Variants in C8orf34 observed in about 807,000 individuals in gnomAD.
C8orf34 encodes chromosome 8 open reading frame 34, also known as uncharacterized protein C8orf34.
In C8orf34, 65 loss-of-function variants were observed where a neutral mutation model predicts 68.3. That is an observed-to-expected ratio of 0.95 (90% confidence interval 0.78 to 1.17). The LOEUF (loss-of-function observed/expected upper bound fraction) is 1.17. Ranked by LOEUF, C8orf34 falls within the 50% of genes most tolerant of loss-of-function variation. The probability of loss-of-function intolerance (pLI) is 0.00; values close to 1 mark genes in which losing one functional copy is unlikely to be tolerated. For missense variants in C8orf34, 664 were observed against 655.4 expected, an observed-to-expected ratio of 1.01 and a Z score of -0.14; for synonymous variants, 244 against 241.2, an observed-to-expected ratio of 1.01 and a Z score of -0.11.
chr8:68,546,179 G>A (rs1449084802), intron 7 of C8orf34, among the ~76,000 whole-genome samples: 1 of 151,958 alleles, frequency 6.6e-6, no homozygotes, highest in East Asian at 1.9e-4. Context: ...AGCAGTTGGG[G>A]CAAATAGAAA....
intron 8 of C8orf34, among the ~76,000 whole-genome samples, chr8:68,691,563 G>A (rs984127151): frequency 9.9e-5 from 15 of 151,996 alleles, no homozygotes; most frequent in African/African-American, 3.4e-4. Flanking sequence ...ATGTTTAAAG[G>A]TAAAATTGTT....
chr8:68,331,106 G>C lies in C8orf34; in HGVS notation c.94G>C (p.Ala32Pro). ...GCCCCACGCGCGCGTGGCTCCCCGG[G>C]CTGCCACCCACGCCCGCGGCCGGGG... is the stretch of plus-strand genomic sequence containing the variant. ...SAPHARVAPRAATHARGRGRA... is the reference protein window; with the variant it reads ...SAPHARVAPRPATHARGRGRA... Residue 32 changes from alanine to proline, a missense_variant, in exon 1 of 14, where the codon GCT (alanine) becomes CCT (proline). Transcript: ENST00000518698. The C allele has an allele frequency of 6.7e-7, 1 of 1,498,798 alleles. No individual in the cohort carries two copies. 92.8% of individuals were successfully genotyped at this position (1,498,798 alleles called of 1,614,324 possible). A position where few individuals can be genotyped will look rare whatever the true frequency, so the allele number is the denominator to read the frequency against.
intron 10 of C8orf34, among the ~76,000 whole-genome samples, chr8:68,764,844 A>G (rs1418487209): frequency 6.6e-6 from 1 of 152,148 alleles, no homozygotes; most frequent in Non-Finnish European, 1.5e-5. Context: ...TTTATTAATC[A>G]ATCTTCCATT....
At chr8:68,662,907 T>C (rs888036053) in intron 8 of C8orf34, among the ~76,000 whole-genome samples, 2 of 152,210 alleles carry the variant, frequency 1.3e-5, no homozygotes, top group Non-Finnish European at 2.9e-5. Context: ...TAACAGTATG[T>C]CACCCAAATA....
intron 7 of C8orf34, among the ~76,000 whole-genome samples, chr8:68,631,316 G>A (rs1415151725): frequency 6.6e-6 from 1 of 151,610 alleles, no homozygotes; most frequent in Non-Finnish European, 1.5e-5. Context: ...TATGTTGCCA[G>A]GCTTGTCTCA....
intron 1 of C8orf34, among the ~76,000 whole-genome samples, chr8:68,364,832 A>C (rs1235455263): frequency 6.6e-6 from 1 of 151,900 alleles, no homozygotes; most frequent in African/African-American, 2.4e-5. Flanking sequence ...CACAATTAAA[A>C]GAACTAGAAA....
At chr8:68,546,073 T>TA (rs1229017547) in intron 7 of C8orf34, among the ~76,000 whole-genome samples, 21 of 152,058 alleles carry the variant, frequency 1.4e-4, no homozygotes, top group African/African-American at 3.6e-4. Context: ...TTAAAAATGT[T>TA]AAAAAAAGTA....
intron 1 of C8orf34, among the ~76,000 whole-genome samples, chr8:68,388,329 A>G (rs1808345018): frequency 6.6e-6 from 1 of 152,144 alleles, no homozygotes; most frequent in South Asian, 2.1e-4. Flanking sequence ...GTGGAGTCTG[A>G]CATAGCTTTC....
chr8:68,636,405 C>T (rs1282084898), intron 7 of C8orf34, among the ~76,000 whole-genome samples: 1 of 139,548 alleles, frequency 7.2e-6, no homozygotes, highest in Non-Finnish European at 1.6e-5. Context: ...GAAACCCTGC[C>T]TCTACTAAAA....
chr8:68,416,506 A>AACAT (rs1333676345), intron 1 of C8orf34, among the ~76,000 whole-genome samples: 2 of 142,340 alleles, frequency 1.4e-5, no homozygotes, highest in Non-Finnish European at 3.1e-5. Flanking sequence ...TATTTTATTA[A>AACAT]ACATACATTT....
At chr8:68,724,713 C>CA (rs1821776584) in intron 10 of C8orf34, among the ~76,000 whole-genome samples, 2 of 152,152 alleles carry the variant, frequency 1.3e-5, no homozygotes, top group Admixed American at 6.5e-5. Flanking sequence ...AGTAAACCAA[C>CA]AAAAAGACAA....
At chr8:68,586,482 T>C (rs1163221919) in intron 7 of C8orf34, among the ~76,000 whole-genome samples, 1 of 152,138 alleles carries the variant, frequency 6.6e-6, no homozygotes, top group African/African-American at 2.4e-5. Context: ...GGCTAGTTAG[T>C]TAAAACTGGA....
intron 10 of C8orf34, among the ~76,000 whole-genome samples, chr8:68,756,020 TTG>T (rs1822848524): frequency 1.3e-5 from 2 of 151,794 alleles, no homozygotes; most frequent in Non-Finnish European, 2.9e-5. Flanking sequence ...TGAGCCGAGA[TTG>T]CGCCACTGCA....
At chr8:68,558,666 G>A (rs1431437927) in intron 7 of C8orf34, among the ~76,000 whole-genome samples, 1 of 151,972 alleles carries the variant, frequency 6.6e-6, no homozygotes, top group African/African-American at 2.4e-5. Context: ...TGGTCTTCTA[G>A]CAAAAAATAT....
chr8:68,440,189 A>T (rs1354706379), intron 2 of C8orf34, among the ~76,000 whole-genome samples: 7 of 152,198 alleles, frequency 4.6e-5, no homozygotes, highest in Non-Finnish European at 1.0e-4. Flanking sequence ...AATTGAGTAG[A>T]CTTGAACTCA....
Position 68,420,446 on chromosome 8 carries a change from C to T in C8orf34, c.328-19053C>T, listed in dbSNP as rs567163452. 2.0e-5 allele frequency among the ~76,000 whole-genome samples: 3 copies of T among 152,168 alleles called. No individual in the cohort carries two copies. In the South Asian group the frequency reaches 6.2e-4, roughly 32 times the overall value. ...ATTGTTAGCATCCACAGGTACCAGG[C>T]GCTACTTTCTACTTTCTGGAGGAAG... On this transcript the variant is annotated intron_variant, in intron 1 of 13. Coordinates refer to ENST00000518698, the MANE Select transcript of C8orf34 (RefSeq NM_052958.4).
intron 9 of C8orf34, among the ~76,000 whole-genome samples, chr8:68,714,779 A>G (rs767521970): frequency 6.6e-6 from 1 of 152,198 alleles, no homozygotes; most frequent in Non-Finnish European, 1.5e-5. Context: ...GACAATCCTA[A>G]AATTCATATG....
intron 1 of C8orf34, among the ~76,000 whole-genome samples, chr8:68,377,000 ACT>A (rs1174634174): frequency 1.3e-5 from 2 of 152,096 alleles, no homozygotes; most frequent in Non-Finnish European, 2.9e-5. Context: ...CAGGAAATAC[ACT>A]GTTTAGTTTT....
At chr8:68,805,390 T>C (rs1319760263) in intron 12 of C8orf34, among the ~76,000 whole-genome samples, 2 of 152,234 alleles carry the variant, frequency 1.3e-5, no homozygotes, top group African/African-American at 4.8e-5. Flanking sequence ...TTCCGTCTTC[T>C]TACTGTATGT....
Sources: gnomAD v4.1 joint callset for allele counts (sites outside exome capture counted in the v4.1 genomes callset) on GRCh38, gnomAD v4.1.1 for gene constraint, MANE v1.5 for transcripts, NCBI Gene and HGNC (gene_info 2026-07-23, HGNC 2026-07-21) for gene names.